Variants in KHDRBS2 observed in about 807,000 individuals in gnomAD.
The protein encoded by KHDRBS2 is KH RNA binding domain containing, signal transduction associated 2, also known as KH domain-containing, RNA-binding, signal transduction-associated protein 2.
Under a neutral mutation model 44.3 loss-of-function variants are expected in KHDRBS2, and 26 were observed. The ratio of observed to expected loss-of-function variants is 0.59; its 90% CI spans 0.43 to 0.81. The LOEUF (loss-of-function observed/expected upper bound fraction) is 0.81. KHDRBS2 is among the 40% of genes least tolerant of loss of function. The pLI is 0.00. For missense variants in KHDRBS2, 476 were observed against 433.1 expected (o/e 1.10, Z -0.88); for synonymous variants, 194 against 151.1 (o/e 1.28, Z -2.08).
intron 6 of KHDRBS2, among the ~76,000 whole-genome samples, chr6:61,871,109 G>C (rs1284529615): frequency 1.3e-5 from 2 of 151,996 alleles, no homozygotes; most frequent in Admixed American, 1.3e-4. Flanking sequence ...TAAGAACCTT[G>C]AAAAAAGGCT....
chr6:62,270,096 C>A (rs1260590589), intron 1 of KHDRBS2, among the ~76,000 whole-genome samples: 1 of 151,918 alleles, frequency 6.6e-6, no homozygotes, highest in African/African-American at 2.4e-5. Context: ...ATATTTGTCC[C>A]CTCCAAAATC....
At chr6:61,744,096 GA>G (rs1344813077) in intron 6 of KHDRBS2, among the ~76,000 whole-genome samples, 1 of 152,034 alleles carries the variant, frequency 6.6e-6, no homozygotes, top group African/African-American at 2.4e-5. Flanking sequence ...GCAGTTTTAT[GA>G]GAATATAAAA....
At chr6:62,173,794 C>T (rs1585059484) in intron 2 of KHDRBS2, among the ~76,000 whole-genome samples, 1 of 151,510 alleles carries the variant, frequency 6.6e-6, no homozygotes, top group East Asian at 1.9e-4. Context: ...ATTATTCACA[C>T]AAATTAAAAT....
At chr6:61,735,747 T>C (rs1203784062) in intron 6 of KHDRBS2, among the ~76,000 whole-genome samples, 1 of 152,138 alleles carries the variant, frequency 6.6e-6, no homozygotes, top group African/African-American at 2.4e-5. Flanking sequence ...TACATTTATG[T>C]TACTGGAAAT....
chr6:62,059,198 G>GTTTTGTTTTTTTTTTTTTTTTT (rs1791040419), intron 2 of KHDRBS2, among the ~76,000 whole-genome samples: 1 of 24,878 alleles, frequency 4.0e-5, no homozygotes, highest in African/African-American at 1.1e-4. Context: ...AAGTTAGGAA[G>GTTTTGTTTTTTTTTTTTTTTTT]TTTTTTTTTT....
intron 2 of KHDRBS2, among the ~76,000 whole-genome samples, chr6:62,062,365 C>T (rs551676151): frequency 4.9e-5 from 7 of 141,852 alleles, no homozygotes; most frequent in African/African-American, 1.8e-4. Flanking sequence ...CAAAATTGAC[C>T]ACATACTTGG....
the KHDRBS2 span, among the ~76,000 whole-genome samples, chr6:61,575,115 C>A: frequency 1.3e-5 from 2 of 152,060 alleles, no homozygotes; most frequent in Non-Finnish European, 2.9e-5. Context: ...AAATAGATGG[C>A]ACCTAATTAA....
At chr6:62,066,094 T>A (rs1335224586) in intron 2 of KHDRBS2, among the ~76,000 whole-genome samples, 2 of 151,690 alleles carry the variant, frequency 1.3e-5, no homozygotes, top group Admixed American at 1.3e-4. Flanking sequence ...GGTACATTCT[T>A]CAAGCTCAAG....
intron 3 of KHDRBS2, among the ~76,000 whole-genome samples, chr6:61,991,061 G>A (rs779370239): frequency 2.6e-5 from 4 of 152,120 alleles, no homozygotes; most frequent in Non-Finnish European, 4.4e-5. Flanking sequence ...TCCCAGGGCC[G>A]TGGATGATTA....
intron 4 of KHDRBS2, among the ~76,000 whole-genome samples, chr6:61,956,391 A>C (rs1213166123): frequency 3.9e-5 from 6 of 152,208 alleles, no homozygotes; most frequent in Non-Finnish European, 8.8e-5. Flanking sequence ...TGATTCACTG[A>C]CAAAATTGAA....
intron 1 of KHDRBS2, among the ~76,000 whole-genome samples, chr6:62,247,476 T>A (rs1465316691): frequency 6.6e-6 from 1 of 152,052 alleles, no homozygotes; most frequent in East Asian, 1.9e-4. Flanking sequence ...TTCAGAATTG[T>A]ACTAAAGTAA....
intron 6 of KHDRBS2, among the ~76,000 whole-genome samples, chr6:61,883,807 A>T (rs1562365633): frequency 6.6e-6 from 1 of 152,036 alleles, no homozygotes; most frequent in African/African-American, 2.4e-5. Flanking sequence ...AAGAAACAAA[A>T]CTCTGCAATG....
chr6:61,677,471 A>C (rs1766009707), downstream of KHDRBS2, among the ~76,000 whole-genome samples: 2 of 151,934 alleles, frequency 1.3e-5, no homozygotes, highest in African/African-American at 4.8e-5. Flanking sequence ...TTGAAGCAAT[A>C]CAGTATCAAA....
At chr6:62,093,159 C>T (rs1336245728) in intron 2 of KHDRBS2, among the ~76,000 whole-genome samples, 2 of 148,758 alleles carry the variant, frequency 1.3e-5, no homozygotes, top group African/African-American at 5.0e-5. Context: ...AAACTTTCAA[C>T]AATATGTACA....
chr6:61,888,803 C>T (rs1468754634), intron 6 of KHDRBS2, among the ~76,000 whole-genome samples: 1 of 151,894 alleles, frequency 6.6e-6, no homozygotes, highest in Non-Finnish European at 1.5e-5. Flanking sequence ...CTTCGTGATC[C>T]ACCCACCCCG....
intron 6 of KHDRBS2, among the ~76,000 whole-genome samples, chr6:61,733,698 C>CACTAACA (rs1477301749): frequency 2.0e-5 from 3 of 151,940 alleles, no homozygotes; most frequent in African/African-American, 7.3e-5. Flanking sequence ...GAGTAAATTA[C>CACTAACA]ACTAACAAAG....
At position 62,061,376 on chromosome 6, in the gene KHDRBS2, C is replaced by A. The variant is rs1007768820; in HGVS notation, c.220-13382G>T. ...TCTTTTAGGGCAGGCCTGGTGGTGACAAAATCTCTCAGCATTTGCTTGTCT... is the reference window on the plus strand; with the variant it reads ...TCTTTTAGGGCAGGCCTGGTGGTGAAAAAATCTCTCAGCATTTGCTTGTCT... On this transcript the variant is annotated intron_variant, in intron 2 of 8. Coordinates refer to ENST00000281156, the MANE Select transcript of KHDRBS2 (RefSeq NM_152688.4). Among the ~76,000 whole-genome samples the A allele has an allele frequency of 3.3e-5, 5 of 151,506 alleles. No homozygotes were observed. The East Asian group carries it at 7.8e-4, about 24-fold the overall frequency.
chr6:61,682,168 C>A (rs1431543124), intron 8 of KHDRBS2, among the ~76,000 whole-genome samples: 3 of 151,814 alleles, frequency 2.0e-5, no homozygotes, highest in African/African-American at 7.2e-5. Context: ...AGAAAGACTA[C>A]TAGAAAAGCA....
At chr6:61,588,783 C>T in the KHDRBS2 span, among the ~76,000 whole-genome samples, 1 of 151,872 alleles carries the variant, frequency 6.6e-6, no homozygotes. Flanking sequence ...CAGGGCAAGA[C>T]CCTGTCTCAA....
Sources: allele counts gnomAD v4.1 joint callset (sites outside exome capture counted in the v4.1 genomes callset), GRCh38; gene constraint gnomAD v4.1.1; transcripts MANE v1.5; gene names NCBI Gene and HGNC (gene_info 2026-07-23, HGNC 2026-07-21).